Variants in WRN observed in about 807,000 individuals in gnomAD.
The protein encoded by WRN is WRN RecQ like helicase.
Under a neutral mutation model 180.7 loss-of-function variants are expected in WRN, and 149 were observed. The ratio of observed to expected loss-of-function variants is 0.82; its 90% CI spans 0.72 to 0.94. The LOEUF is 0.94. Ranked by LOEUF, WRN falls within the 40% of genes least tolerant of loss-of-function variation. The probability of loss-of-function intolerance (pLI) is 0.00; values close to 1 mark genes in which losing one functional copy is unlikely to be tolerated. For synonymous variants in WRN, 548 were observed against 568.9 expected (o/e 0.96, Z 0.52); for missense variants, 1,661 against 1,700.1 (o/e 0.98, Z 0.40).
chr8:31,143,061 TCTCTCTC>T (rs1563377818), intron 27 of WRN, among the ~76,000 whole-genome samples: 35 of 150,604 alleles, frequency 2.3e-4, no homozygotes, highest in African/African-American at 8.5e-4. Flanking sequence ...ACACATTCTC[TCTCTCTC>T]TCTCTCACAC....
At chr8:31,057,745 T>G (rs1241471002) in intron 1 of WRN, among the ~76,000 whole-genome samples, 1 of 142,108 alleles carries the variant, frequency 7.0e-6, no homozygotes, top group East Asian at 2.0e-4. Flanking sequence ...ATATGTTCTG[T>G]TTTTTTTTTT....
intron 21 of WRN, among the ~76,000 whole-genome samples, chr8:31,121,051 C>T (rs990987827): frequency 3.9e-5 from 6 of 151,960 alleles, no homozygotes; most frequent in African/African-American, 1.4e-4. Context: ...AAGTACTCAA[C>T]AAGTAGTTTG....
At chr8:31,044,064 C>T (rs151172659) in intron 1 of WRN, among the ~76,000 whole-genome samples, 2,770 of 151,116 alleles carry the variant, frequency 0.018, 69 homozygotes, top group African/African-American at 0.064. Context: ...TTTTTTTAGA[C>T]GGAGTCTCAC....
At chr8:31,040,816 G>C (rs1018845025) in intron 1 of WRN, among the ~76,000 whole-genome samples, 7 of 152,168 alleles carry the variant, frequency 4.6e-5, no homozygotes, top group Non-Finnish European at 7.4e-5. Flanking sequence ...TTAGCCAAAA[G>C]TTGAGTTTTT....
intron 6 of WRN, among the ~76,000 whole-genome samples, chr8:31,067,885 A>G (rs560521033): frequency 6.6e-6 from 1 of 152,276 alleles, no homozygotes; most frequent in South Asian, 2.1e-4. Flanking sequence ...TTGTTAGGGA[A>G]ATTGGATGAT....
At chr8:31,136,466 G>A (rs1563373271) in intron 24 of WRN, among the ~76,000 whole-genome samples, 5 of 152,222 alleles carry the variant, frequency 3.3e-5, no homozygotes, top group East Asian at 3.8e-4. Flanking sequence ...GAGTCAGGAT[G>A]AGCAAATGGA....
Position 31,135,405 on chromosome 8 carries a change from C to T in WRN, c.2967+2899C>T, listed in dbSNP as rs190640218. ...GCTATTTTTTCCACTAGTTATTAAA[C>T]ATGTATTTTTGTATAAGGCACTGTA... On this transcript the variant is annotated intron_variant, in intron 24 of 34. Coordinates refer to ENST00000298139, the MANE Select transcript of WRN (RefSeq NM_000553.6). Among the ~76,000 whole-genome samples, 21 of 152,082 alleles carry T rather than the reference C, an allele frequency of 1.4e-4. No individual in the cohort carries two copies. In the East Asian group the frequency reaches 4.1e-3, roughly 29 times the overall value.
intron 1 of WRN, among the ~76,000 whole-genome samples, chr8:31,037,462 C>T (rs1034492578): frequency 6.6e-6 from 1 of 152,154 alleles, no homozygotes; most frequent in Non-Finnish European, 1.5e-5. Flanking sequence ...GAACCTCTAG[C>T]CCTGACCAAT....
rs1333441815 is a variant in WRN, at chr8:31,173,670, C to T, written c.*568C>T. 1.8e-5 allele frequency: 3 copies of T among 167,318 alleles called. No individual in the cohort carries two copies. Among genetic ancestry groups the T allele is most frequent in the Non-Finnish European group, 3.9e-5 (3 of 77,362 alleles). The allele number at this position is 167,318 out of a possible 1,614,324, so 10.4% of individuals were successfully genotyped here. A position where few individuals can be genotyped will look rare whatever the true frequency, so the allele number is the denominator to read the frequency against. On this transcript the variant is annotated 3_prime_UTR_variant, in exon 35 of 35. Transcript: ENST00000298139. ...CATGTAAAAAATGTAAAATGGAGAC[C>T]AATTGCACTAGGCAAGTGTATATTT...
intron 24 of WRN, among the ~76,000 whole-genome samples, chr8:31,135,431 T>C (rs1223208681): frequency 1.3e-5 from 2 of 152,038 alleles, no homozygotes; most frequent in African/African-American, 4.8e-5. Context: ...AGGCACTGTA[T>C]TACATTTTGT....
intron 1 of WRN, among the ~76,000 whole-genome samples, chr8:31,043,051 A>G (rs1166413156): frequency 6.6e-6 from 1 of 152,228 alleles, no homozygotes; most frequent in Non-Finnish European, 1.5e-5. Flanking sequence ...AAGGTTATTT[A>G]TTGGTCTGTT....
intron 8 of WRN, among the ~76,000 whole-genome samples, chr8:31,079,125 A>G (rs1813205373): frequency 1.3e-5 from 2 of 152,214 alleles, no homozygotes; most frequent in African/African-American, 2.4e-5. Flanking sequence ...ATTAGATAAC[A>G]TTAGTGTGCT....
At chr8:31,060,687 A>C (rs906391075) in intron 3 of WRN, among the ~76,000 whole-genome samples, 1 of 152,266 alleles carries the variant, frequency 6.6e-6, no homozygotes, top group Non-Finnish European at 1.5e-5. Flanking sequence ...ATTATACTGA[A>C]TTAGTTTCAC....
chr8:31,171,945 A>G (rs948596439), intron 34 of WRN, among the ~76,000 whole-genome samples: 2 of 152,194 alleles, frequency 1.3e-5, no homozygotes, highest in African/African-American at 4.8e-5. Flanking sequence ...AGTTACTTTT[A>G]TTAATAATAA....
At chr8:31,073,904 A>G (rs1236566253) in intron 7 of WRN, among the ~76,000 whole-genome samples, 1 of 151,610 alleles carries the variant, frequency 6.6e-6, no homozygotes, top group African/African-American at 2.4e-5. Flanking sequence ...TGTGGAGGCC[A>G]TCAGTAACCT....
intron 33 of WRN, among the ~76,000 whole-genome samples, chr8:31,161,145 G>A (rs942839164): frequency 6.6e-6 from 1 of 151,996 alleles, no homozygotes; most frequent in African/African-American, 2.4e-5. Flanking sequence ...AGATAGATCT[G>A]TATTTAGACC....
chr8:31,135,967 C>A (rs1452278075), intron 24 of WRN, among the ~76,000 whole-genome samples: 1 of 152,178 alleles, frequency 6.6e-6, no homozygotes, highest in African/African-American at 2.4e-5. Flanking sequence ...TTTCCACATT[C>A]CATGATATGT....
At chr8:31,049,210 CAAAAAAAAAAAAA>C (rs72226104) in intron 1 of WRN, among the ~76,000 whole-genome samples, 5 of 31,780 alleles carry the variant, frequency 1.6e-4, no homozygotes, top group South Asian at 2.7e-3. Context: ...GACTCTGTCT[CAAAAAAAAAAAAA>C]AAAAAAAAAA....
rs543761573 is a variant in WRN, at chr8:31,077,470, C to T, written c.839+1183C>T. On this transcript the variant is annotated intron_variant, in intron 8 of 34. Transcript: ENST00000298139. ...TGTTAGCCAGGATCGTCTCGATCTC[C>T]GGACCTCGTGATCTGCCCGCCTCAG... Among the ~76,000 whole-genome samples the T allele has an allele frequency of 1.4e-3, 208 of 152,158 alleles. 3 individuals carry two copies. Among genetic ancestry groups the T allele is most frequent in the Admixed American group, 1.8e-3 (27 of 15,288 alleles).
Sources: allele counts gnomAD v4.1 joint callset (sites outside exome capture counted in the v4.1 genomes callset), GRCh38; gene constraint gnomAD v4.1.1; transcripts MANE v1.5; gene names NCBI Gene and HGNC (gene_info 2026-07-23, HGNC 2026-07-21).